TRPM3: variants seen among roughly 807,000 people sequenced by gnomAD.
The protein encoded by TRPM3 is long transient receptor potential channel 3.
TRPM3 carries 77 observed loss-of-function variants against 181.2 expected under a neutral mutation model. The ratio of observed to expected loss-of-function variants is 0.42; its 90% CI spans 0.35 to 0.51. The LOEUF is 0.51. Ranked by LOEUF, TRPM3 falls within the 20% of genes least tolerant of loss-of-function variation. The pLI is 0.01. For missense variants in TRPM3, 1,759 were observed against 2,196.7 expected (o/e 0.80, Z 3.98); for synonymous variants, 745 against 796.4 (o/e 0.94, Z 1.09).
At chr9:71,278,394 G>A (rs939602593) in intron 1 of TRPM3, among the ~76,000 whole-genome samples, 1 of 152,188 alleles carries the variant, frequency 6.6e-6, no homozygotes, top group Non-Finnish European at 1.5e-5. Flanking sequence ...TCTCAAAGGA[G>A]TTAGGGAAAG....
chr9:70,839,476 C>T (rs1243372899), intron 5 of TRPM3, among the ~76,000 whole-genome samples: 2 of 152,156 alleles, frequency 1.3e-5, no homozygotes, highest in Non-Finnish European at 2.9e-5. Flanking sequence ...TTGCTGCACT[C>T]ACTACTTCTA....
chr9:71,125,528 C>T (rs2134422626), upstream of TRPM3, among the ~76,000 whole-genome samples: 1 of 152,248 alleles, frequency 6.6e-6, no homozygotes. Context: ...GACATAATCT[C>T]ATTCTTTTTA....
At chr9:70,864,755 T>TA (rs1255523908) in intron 1 of TRPM3, among the ~76,000 whole-genome samples, 1 of 151,642 alleles carries the variant, frequency 6.6e-6, no homozygotes, top group East Asian at 1.9e-4. Context: ...CTGACCATAA[T>TA]AAAAAAAAGT....
intron 1 of TRPM3, among the ~76,000 whole-genome samples, chr9:71,310,201 A>C (rs1027073580): frequency 6.6e-6 from 1 of 152,126 alleles, no homozygotes; most frequent in African/African-American, 2.4e-5. Context: ...GAATCATCAC[A>C]CAGTAACTGA....
At chr9:71,072,264 C>T (rs967021081) in intron 1 of TRPM3, among the ~76,000 whole-genome samples, 2 of 152,074 alleles carry the variant, frequency 1.3e-5, no homozygotes, top group African/African-American at 2.4e-5. Context: ...CCACAGTTTG[C>T]TTTTAGGGTG....
chr9:71,339,949 T>C (rs900497417), intron 1 of TRPM3, among the ~76,000 whole-genome samples: 2 of 152,152 alleles, frequency 1.3e-5, no homozygotes, highest in African/African-American at 2.4e-5. Context: ...ATCTGTATTA[T>C]AAATAAATCT....
At chr9:70,853,403 T>A (rs2095297673) in intron 3 of TRPM3, among the ~76,000 whole-genome samples, 1 of 152,236 alleles carries the variant, frequency 6.6e-6, no homozygotes, top group African/African-American at 2.4e-5. Context: ...GGCCTCTGCA[T>A]TTCTAACCAG....
chr9:71,240,669 G>A (rs2081609708), intron 1 of TRPM3, among the ~76,000 whole-genome samples: 1 of 150,830 alleles, frequency 6.6e-6, no homozygotes, highest in South Asian at 2.1e-4. Context: ...ATAGCAATTT[G>A]TAAAAAAAGT....
chr9:70,631,987 T>C lies in TRPM3; in HGVS notation c.1632+3224A>G, dbSNP rs540863780. On this transcript the variant is annotated intron_variant, in intron 12 of 25. Coordinates refer to ENST00000677713, the MANE Select transcript of TRPM3 (RefSeq NM_001366145.2). ...AAACACTATGCTTAAGGTCTAGGAC[T>C]GTGTTCCTAACTCATGAATAGCGTT... Among the ~76,000 whole-genome samples, 4 of 152,364 alleles carry C rather than the reference T, an allele frequency of 2.6e-5. No individual in the cohort carries two copies. The South Asian group carries it at 8.3e-4, about 32-fold the overall frequency.
chr9:70,766,942 T>G (rs1463316439), intron 7 of TRPM3, among the ~76,000 whole-genome samples: 1 of 152,236 alleles, frequency 6.6e-6, no homozygotes, highest in Non-Finnish European at 1.5e-5. Flanking sequence ...CTCATAGGCT[T>G]GTGAATATTA....
intron 6 of TRPM3, among the ~76,000 whole-genome samples, chr9:70,804,314 T>A (rs1018648590): frequency 6.6e-6 from 1 of 152,010 alleles, no homozygotes; most frequent in Admixed American, 6.6e-5. Context: ...CAAGACTCCA[T>A]CTCAAAAACA....
chr9:70,856,994 G>A (rs930846837), intron 3 of TRPM3, among the ~76,000 whole-genome samples: 6 of 152,128 alleles, frequency 3.9e-5, no homozygotes, highest in Admixed American at 2.0e-4. Context: ...AGATGTAGAA[G>A]AGTCTTTGAG....
chr9:71,267,092 A>C (rs1286068246), intron 1 of TRPM3, among the ~76,000 whole-genome samples: 8 of 152,074 alleles, frequency 5.3e-5, no homozygotes. Context: ...CCGAGAAGCT[A>C]TTCTGCCTAC....
rs964415908 is a variant in TRPM3 at position 71,126,656 on chromosome 9, T to G, written c.184-262145A>C. ...TAATAGATTCTAAAATACACTAAAA[T>G]TTATTAAAATACATGACTCACTTTG... On this transcript the variant is annotated intron_variant, in intron 1 of 24. Transcript: ENST00000357533. Among the ~76,000 whole-genome samples the G allele has an allele frequency of 2.6e-5, 4 of 152,226 alleles. No homozygotes were observed. In the South Asian group the frequency reaches 8.3e-4, roughly 32 times the overall value.
At chr9:71,124,971 G>A (rs2073942619), upstream of TRPM3, among the ~76,000 whole-genome samples, 1 of 152,112 alleles carries the variant, frequency 6.6e-6, no homozygotes, top group Non-Finnish European at 1.5e-5. Flanking sequence ...ATAGGTATCT[G>A]GACATCAATT....
chr9:71,396,787 C>T (rs1173031808), intron 1 of TRPM3, among the ~76,000 whole-genome samples: 2 of 151,568 alleles, frequency 1.3e-5, no homozygotes, highest in African/African-American at 4.8e-5. Context: ...CACGGTGAAA[C>T]CCCATCTCTA....
chr9:71,282,102 A>AACGAAAGACAG (rs1565417808), intron 1 of TRPM3, among the ~76,000 whole-genome samples: 18 of 59,612 alleles, frequency 3.0e-4, no homozygotes, highest in Non-Finnish European at 4.3e-4. Context: ...AGAAAGAAAG[A>AACGAAAGACAG]AAAGAAAGAA....
chr9:71,302,106 C>T (rs72735805), intron 1 of TRPM3, among the ~76,000 whole-genome samples: 21,918 of 151,868 alleles, frequency 0.14, 1,838 homozygotes, highest in Admixed American at 0.22. Flanking sequence ...AATTTAGTGT[C>T]GCAAATCAAC....
chr9:71,318,766 A>G (rs2132450805), intron 1 of TRPM3, among the ~76,000 whole-genome samples: 1 of 152,276 alleles, frequency 6.6e-6, no homozygotes, highest in African/African-American at 2.4e-5. Flanking sequence ...TAAAAAAATT[A>G]TTGAAGTATA....
Sources: gnomAD v4.1 joint callset for allele counts (sites outside exome capture counted in the v4.1 genomes callset) on GRCh38, gnomAD v4.1.1 for gene constraint, MANE v1.5 for transcripts, NCBI Gene and HGNC (gene_info 2026-07-23, HGNC 2026-07-21) for gene names.